Variants in NOTCH2NLC observed in about 807,000 individuals in gnomAD.
NOTCH2NLC encodes notch 2 N-terminal like C.
In NOTCH2NLC, 4 loss-of-function variants were observed where a neutral mutation model predicts 17.7. That is an observed-to-expected ratio of 0.23 (90% CI 0.11 to 0.52). NOTCH2NLC has a LOEUF of 0.52. Ranked by LOEUF, NOTCH2NLC falls within the 20% of genes least tolerant of loss-of-function variation. The pLI is 0.96. For synonymous variants in NOTCH2NLC, 18 were observed against 86.0 expected (o/e 0.21, Z 4.38); for missense variants, 57 against 207.2 (o/e 0.28, Z 4.45).
chr1:149,433,420 C>T (rs2084464499), intron 2 of NOTCH2NLC, among the ~76,000 whole-genome samples: 1 of 149,998 alleles, frequency 6.7e-6, no homozygotes, highest in Admixed American at 6.6e-5. Flanking sequence ...ACATTCTGCA[C>T]ATGTATCCCA....
intron 2 of NOTCH2NLC, 123 bp downstream of exon 2, chr1:149,431,138 T>G: frequency 7.7e-6 from 1 of 129,098 alleles, no homozygotes; most frequent in South Asian, 4.1e-5. Flanking sequence ...CTGGTACAGA[T>G]TTTGGTTGGG....
At chr1:149,461,899 G>A (rs1471586920) in intron 3 of NOTCH2NLC, among the ~76,000 whole-genome samples, 9 of 140,156 alleles carry the variant, frequency 6.4e-5, no homozygotes, top group East Asian at 6.3e-4. Context: ...ACCAAACACC[G>A]CATGTTCTCA....
At chr1:149,391,868 CAT>C (rs2084170993) in intron 1 of NOTCH2NLC, among the ~76,000 whole-genome samples, 1 of 143,090 alleles carries the variant, frequency 7.0e-6, no homozygotes, top group Non-Finnish European at 1.6e-5. Context: ...GGAATCAAAT[CAT>C]ATCTTCCCCA....
At position 149,409,442 on chromosome 1, in the gene NOTCH2NLC, T is replaced by A. The variant is rs1282760926; in HGVS notation, c.135+18520T>A. On this transcript the variant is annotated intron_variant, in intron 1 of 4. Coordinates refer to ENST00000650865, the MANE Select transcript of NOTCH2NLC (RefSeq NM_001364013.2). ...GTTGGCAAGGAATAGCTGTCCAGAA[T>A]GCTGCATAGATCTAGTGAAAAGATT... is the stretch of plus-strand genomic sequence containing the variant. Among the ~76,000 whole-genome samples the A allele has an allele frequency of 4.1e-4, 62 of 150,190 alleles. 2 individuals are homozygous for A. Among genetic ancestry groups the A allele is most frequent in the Non-Finnish European group, 7.0e-4 (47 of 67,292 alleles).
chr1:149,441,049 G>A (rs1188657371), intron 2 of NOTCH2NLC, among the ~76,000 whole-genome samples: 4 of 150,558 alleles, frequency 2.7e-5, no homozygotes, highest in East Asian at 4.0e-4. Context: ...ACAGAGAGGC[G>A]GTAGGCTTGT....
intron 1 of NOTCH2NLC, among the ~76,000 whole-genome samples, chr1:149,392,463 G>GA (rs2084174816): frequency 6.9e-6 from 1 of 144,022 alleles, no homozygotes; most frequent in African/African-American, 2.6e-5. Flanking sequence ...AAGAATTTCA[G>GA]AAGTGGACCA....
intron 3 of NOTCH2NLC, among the ~76,000 whole-genome samples, chr1:149,461,895 C>T: frequency 1.4e-5 from 2 of 143,322 alleles, no homozygotes; most frequent in Non-Finnish European, 3.1e-5. Flanking sequence ...AAAAACCAAA[C>T]ACCGCATGTT....
At chr1:149,398,884 G>A (rs1438957314) in intron 1 of NOTCH2NLC, among the ~76,000 whole-genome samples, 14 of 152,116 alleles carry the variant, frequency 9.2e-5, no homozygotes, top group Non-Finnish European at 1.3e-4. Flanking sequence ...TTGCCAAGAT[G>A]GACTCATTGT....
At chr1:149,451,139 TAGAC>T (rs1272081579) in intron 2 of NOTCH2NLC, among the ~76,000 whole-genome samples, 2 of 146,724 alleles carry the variant, frequency 1.4e-5, no homozygotes, top group African/African-American at 2.5e-5. Context: ...GGTTTTGAGT[TAGAC>T]AGAGGGAGTC....
In NOTCH2NLC at chr1:149,471,714, G is replaced by T. The variant is rs2084721415; in HGVS notation, c.*7561G>T. On this transcript the variant is annotated 3_prime_UTR_variant, in exon 5 of 5. Transcript: ENST00000650865. ...GAATTAGGTAGTGGTGATGGTTGCA[G>T]AACTTTTGGAATATGGTAAAAGACA... Among the ~76,000 whole-genome samples the T allele has an allele frequency of 6.7e-6, 1 of 149,730 alleles. No individual in the cohort carries two copies. Among genetic ancestry groups the T allele is most frequent in the Non-Finnish European group, 1.5e-5 (1 of 67,168 alleles).
At chr1:149,412,925 G>C (rs2084307764) in intron 1 of NOTCH2NLC, among the ~76,000 whole-genome samples, 1 of 99,554 alleles carries the variant, frequency 1.0e-5, no homozygotes, top group Non-Finnish European at 1.9e-5. Flanking sequence ...TTTTTTTTGA[G>C]ACAGGGCCTC....
At chr1:149,462,817 A>C (rs1419356052) in intron 3 of NOTCH2NLC, among the ~76,000 whole-genome samples, 3 of 147,264 alleles carry the variant, frequency 2.0e-5, no homozygotes, top group East Asian at 4.0e-4. Flanking sequence ...TCACTAGGAA[A>C]ACAGACGGGA....
At chr1:149,418,978 T>C (rs1233120331) in intron 1 of NOTCH2NLC, among the ~76,000 whole-genome samples, 7 of 150,730 alleles carry the variant, frequency 4.6e-5, no homozygotes, top group African/African-American at 9.8e-5. Flanking sequence ...CTTTCCTTTC[T>C]CTCTCTCCTT....
chr1:149,449,846 A>T (rs1285285943), intron 2 of NOTCH2NLC, among the ~76,000 whole-genome samples: 1 of 150,722 alleles, frequency 6.6e-6, no homozygotes, highest in African/African-American at 2.4e-5. Flanking sequence ...ATCTCTACGG[A>T]TTTGCATATT....
At chr1:149,430,102 G>T (rs1237341511) in intron 1 of NOTCH2NLC, among the ~76,000 whole-genome samples, 1 of 148,266 alleles carries the variant, frequency 6.7e-6, no homozygotes, top group Non-Finnish European at 1.5e-5. Context: ...ATTCTTGGCT[G>T]AAATCAATGA....
intron 1 of NOTCH2NLC, among the ~76,000 whole-genome samples, chr1:149,419,840 AATAT>A (rs1247876476): frequency 1.6e-4 from 18 of 113,524 alleles, no homozygotes; most frequent in African/African-American, 5.2e-4. Context: ...GAAGTTCAGG[AATAT>A]ATATATATAT....
chr1:149,400,110 A>ATT (rs1226215795), intron 1 of NOTCH2NLC, among the ~76,000 whole-genome samples: 11 of 138,098 alleles, frequency 8.0e-5, no homozygotes, highest in African/African-American at 2.6e-4. Context: ...CTGTTGATTT[A>ATT]TTTATATATA....
rs1570926376 is a variant in NOTCH2NLC at position 149,471,708 on chromosome 1, G to C, written c.*7555G>C. Among the ~76,000 whole-genome samples, 1 of 149,768 alleles carries C rather than the reference G, an allele frequency of 6.7e-6. No homozygotes were observed. The highest frequency in any genetic ancestry group is 6.7e-5 in the Admixed American group (1 of 14,952). Reference sequence around the variant, plus strand: ...ATTCTGGAATTAGGTAGTGGTGATGGTTGCAGAACTTTTGGAATATGGTAA... The same window carrying C: ...ATTCTGGAATTAGGTAGTGGTGATGCTTGCAGAACTTTTGGAATATGGTAA... On this transcript the variant is annotated 3_prime_UTR_variant, in exon 5 of 5. Transcript: ENST00000650865.
chr1:149,460,466 G>A (rs1223909557), intron 3 of NOTCH2NLC, among the ~76,000 whole-genome samples: 1 of 147,466 alleles, frequency 6.8e-6, no homozygotes, highest in African/African-American at 2.5e-5. Context: ...AGCCTCCTGA[G>A]TAGCTGGGAC....
Sources: gnomAD v4.1 joint callset for allele counts (sites outside exome capture counted in the v4.1 genomes callset) on GRCh38, gnomAD v4.1.1 for gene constraint, MANE v1.5 for transcripts, NCBI Gene and HGNC (gene_info 2026-07-23, HGNC 2026-07-21) for gene names.